Variants in ZNF704 observed in about 807,000 individuals in gnomAD.
ZNF704 encodes the protein zinc finger protein 704, also known as glucocorticoid induced gene 1.
In ZNF704, 10 loss-of-function variants were observed where a neutral mutation model predicts 44.7. That is an observed-to-expected ratio of 0.22 (90% CI 0.14 to 0.38). The LOEUF (loss-of-function observed/expected upper bound fraction) is 0.38, where lower values mean the gene tolerates loss of function less well. Ranked by LOEUF, ZNF704 falls within the 10% of genes least tolerant of loss-of-function variation. The pLI, the probability that ZNF704 is intolerant of heterozygous loss-of-function variation, is 1.00. For missense variants in ZNF704, 390 were observed against 545.5 expected, an observed-to-expected ratio of 0.71 and a Z score of 2.84; for synonymous variants, 211 against 207.6, an observed-to-expected ratio of 1.02 and a Z score of -0.14.
intron 7 of ZNF704, among the ~76,000 whole-genome samples, chr8:80,649,392 G>A (rs1277652964): frequency 6.6e-6 from 1 of 152,196 alleles, no homozygotes; most frequent in Non-Finnish European, 1.5e-5. Context: ...AAGCGCAAGG[G>A]CTCAGGGAAT....
intron 7 of ZNF704, chr8:80,645,084 T>C: frequency 1.9e-6 from 3 of 1,542,456 alleles, no homozygotes; most frequent in Non-Finnish European, 2.7e-6. Context: ...AGGGACCAGC[T>C]TGGCTATGTC....
At chr8:80,846,061 C>T (rs904590920) in intron 1 of ZNF704, among the ~76,000 whole-genome samples, 12 of 152,004 alleles carry the variant, frequency 7.9e-5, no homozygotes, top group South Asian at 4.1e-4. Context: ...TTTTGAAGAA[C>T]GAATCACTCA....
chr8:80,810,723 C>A (rs1292602935), intron 2 of ZNF704, among the ~76,000 whole-genome samples: 3 of 152,178 alleles, frequency 2.0e-5, no homozygotes, highest in Admixed American at 1.3e-4. Flanking sequence ...ATTTAAACAT[C>A]TTCACAATAA....
intron 2 of ZNF704, among the ~76,000 whole-genome samples, chr8:80,722,010 A>T (rs1335665709): frequency 6.6e-6 from 1 of 152,160 alleles, no homozygotes; most frequent in Non-Finnish European, 1.5e-5. Context: ...GCAGAGGTAG[A>T]AGGATGGCTT....
intron 2 of ZNF704, among the ~76,000 whole-genome samples, chr8:80,713,192 G>A (rs1392181549): frequency 6.6e-6 from 1 of 152,146 alleles, no homozygotes; most frequent in East Asian, 1.9e-4. Flanking sequence ...GACAATTCTT[G>A]AATTGTTTTG....
rs561176837 is a variant in ZNF704, at chr8:80,735,045, A to G, written c.222-41938T>C. On this transcript the variant is annotated intron_variant, in intron 2 of 8. Transcript: ENST00000327835. ...ATTTGCTCAGGAACTTTCAATGGTT[A>G]CTGGGTCCTCACCTTGGCCTTCAAG... 3.3e-5 allele frequency among the ~76,000 whole-genome samples: 5 copies of G among 152,198 alleles called. No homozygotes were observed. The South Asian group carries it at 6.2e-4, about 19-fold the overall frequency.
At chr8:80,691,924 C>T (rs1818643534) in intron 3 of ZNF704, among the ~76,000 whole-genome samples, 1 of 152,324 alleles carries the variant, frequency 6.6e-6, no homozygotes, top group East Asian at 1.9e-4. Flanking sequence ...GACACACCCT[C>T]CTGCTCACTC....
At chr8:80,810,879 C>T (rs17474394) in intron 2 of ZNF704, among the ~76,000 whole-genome samples, 2,923 of 152,260 alleles carry the variant, frequency 0.019, 46 homozygotes, top group Middle Eastern at 0.031. Flanking sequence ...GTTGATGAAA[C>T]GCTTCCCTCC....
At chr8:80,828,850 G>A (rs1808422542) in intron 1 of ZNF704, among the ~76,000 whole-genome samples, 1 of 152,190 alleles carries the variant, frequency 6.6e-6, no homozygotes, top group African/African-American at 2.4e-5. Flanking sequence ...ACTTTCCAGA[G>A]TCCAGGGATG....
chr8:80,721,237 A>G (rs1819161519), intron 2 of ZNF704, among the ~76,000 whole-genome samples: 1 of 152,190 alleles, frequency 6.6e-6, no homozygotes, highest in Non-Finnish European at 1.5e-5. Context: ...ATCTGGATAA[A>G]GCTGAATTTA....
At chr8:80,747,458 A>C (rs2131701152) in intron 2 of ZNF704, among the ~76,000 whole-genome samples, 1 of 152,252 alleles carries the variant, frequency 6.6e-6, no homozygotes, top group Middle Eastern at 3.4e-3. Flanking sequence ...TGCTACACAA[A>C]CCTCTGAAAA....
intron 2 of ZNF704, among the ~76,000 whole-genome samples, chr8:80,717,165 C>T (rs1172722856): frequency 6.6e-6 from 1 of 152,228 alleles, no homozygotes; most frequent in East Asian, 1.9e-4. Context: ...CTGTAGTCCA[C>T]CCATCACTTC....
At chr8:80,734,076 C>A (rs1243293995) in intron 2 of ZNF704, among the ~76,000 whole-genome samples, 1 of 152,212 alleles carries the variant, frequency 6.6e-6, no homozygotes, top group African/African-American at 2.4e-5. Context: ...CCAATCTACT[C>A]ATTTATGACA....
intron 7 of ZNF704, among the ~76,000 whole-genome samples, chr8:80,652,502 C>A (rs1817939884): frequency 1.3e-5 from 2 of 152,126 alleles, no homozygotes; most frequent in African/African-American, 2.4e-5. Flanking sequence ...ACCGATCCCA[C>A]AGAAATACAA....
At chr8:80,750,794 T>C (rs889380711) in intron 2 of ZNF704, among the ~76,000 whole-genome samples, 1 of 152,110 alleles carries the variant, frequency 6.6e-6, no homozygotes, top group Non-Finnish European at 1.5e-5. Flanking sequence ...GGATTACAGG[T>C]GTGAGCCCAA....
At chr8:80,825,010 CA>C (rs1808347450) in intron 1 of ZNF704, among the ~76,000 whole-genome samples, 1 of 152,178 alleles carries the variant, frequency 6.6e-6, no homozygotes, top group South Asian at 2.1e-4. Context: ...GAAGAAACCG[CA>C]TCAACTAATG....
rs112638359 is a variant in ZNF704, at chr8:80,633,384, G to C, written c.*7982C>G. ...TAACTACCAAATTGGCTGAAATTTA[G>C]GGATTAGGGATCTGCTACAGTAAAG... On this transcript the variant is annotated 3_prime_UTR_variant, in exon 9 of 9. Transcript: ENST00000327835. 3.7e-4 allele frequency: 56 copies of C among 152,290 alleles called. No individual in the cohort carries two copies. Among genetic ancestry groups the C allele is most frequent in the African/African-American group, 1.3e-3 (53 of 41,560 alleles). The allele number at this position is 152,290 out of a possible 1,614,324, so 9.4% of individuals were successfully genotyped here.
Position 80,837,033 on chromosome 8 carries a change from CATAAATG to C in ZNF704, c.-21-15425_-21-15419del, listed in dbSNP as rs1808595203. Among the ~76,000 whole-genome samples the C allele has an allele frequency of 2.0e-5, 3 of 151,922 alleles. No individual in the cohort carries two copies. In the South Asian group the frequency reaches 6.2e-4, roughly 32 times the overall value. On this transcript the variant is annotated intron_variant, in intron 1 of 8. Transcript: ENST00000327835. ...CATGGGCACTCTTGTAGCATTATTA[CATAAATG>C]GAGTTTCAGGTGCAGATGCATGTTA...
chr8:80,687,205 A>C (rs1172017834), intron 4 of ZNF704, 21 bp downstream of exon 4: 1 of 1,599,330 alleles, frequency 6.3e-7, no homozygotes, highest in Non-Finnish European at 8.5e-7. Context: ...AATGCAGAAG[A>C]CCGCGTGGCT....
Sources: gnomAD v4.1 joint callset for allele counts (sites outside exome capture counted in the v4.1 genomes callset) on GRCh38, gnomAD v4.1.1 for gene constraint, MANE v1.5 for transcripts, NCBI Gene and HGNC (gene_info 2026-07-23, HGNC 2026-07-21) for gene names.